The following GRN variants were observed in gnomAD, a reference collection of about 807,000 sequenced individuals.
The protein encoded by GRN is progranulin.
In GRN, 30 loss-of-function variants were observed where a neutral mutation model predicts 66.7. That is an observed-to-expected ratio of 0.45 (90% CI 0.34 to 0.61). GRN has a LOEUF of 0.61. GRN is among the 20% of genes least tolerant of loss of function. The probability of loss-of-function intolerance (pLI) is 0.01; values close to 1 mark genes in which losing one functional copy is unlikely to be tolerated. For synonymous variants in GRN, 327 were observed against 311.1 expected, an observed-to-expected ratio of 1.05 and a Z score of -0.54; for missense variants, 731 against 803.5, an observed-to-expected ratio of 0.91 and a Z score of 1.09.
In GRN at chr17:44,352,376, G is replaced by C; in HGVS notation, c.1449G>C (p.Pro483=). Residue 483 remains proline, a synonymous_variant, in exon 12 of 13, where the codon CCG becomes CCC. Transcript: ENST00000053867. ...GCGAGGATCGCCAGCACTGCTGCCC[G>C]GCTGGCTACACCTGCAACGTGAAGG... ...VCCEDRQHCC[P]AGYTCNVKAR... 1 of 1,613,734 alleles carries C rather than the reference G, an allele frequency of 6.2e-7. No homozygotes were observed. The highest frequency in any genetic ancestry group is 1.3e-5 in the African/African-American group (1 of 75,066).
chr17:44,350,755 C>T lies in GRN; in HGVS notation c.663C>T (p.Cys221=), dbSNP rs1410444802. Residue 221 remains cysteine (C), a synonymous_variant, in exon 7 of 13, where the codon TGC becomes TGT. Transcript: ENST00000053867. ...CCCGGTGCCCTGATGGTTCTACCTG[C>T]TGTGAGCTGCCCAGTGGGAAGTATG... ...ARSRCPDGST[C]CELPSGKYGC... The T allele has an allele frequency of 1.9e-6, 3 of 1,613,844 alleles. No individual in the cohort carries two copies. The highest frequency in any genetic ancestry group is 1.3e-5 in the African/African-American group (1 of 74,924).
At chr17:44,350,611 G>C (rs763245100) in intron 6 of GRN, 34 bp downstream of exon 6, 3 of 1,612,706 alleles carry the variant, frequency 1.9e-6, no homozygotes, top group Admixed American at 3.3e-5. Context: ...GCCAGGGGCT[G>C]GGGCGGGGCC....
At chr17:44,351,517 C>T (rs1196669473) in intron 9 of GRN, 33 bp from the exon 10 acceptor site, 1 of 1,613,710 alleles carries the variant, frequency 6.2e-7, no homozygotes, top group Admixed American at 1.7e-5. Context: ...AGCCGGGCCC[C>T]AGTGCCCACC....
Position 44,350,354 on chromosome 17 carries a change from G to A in GRN, c.462+14G>A, listed in dbSNP as rs776555595. 1 of 1,612,566 alleles carries A rather than the reference G, an allele frequency of 6.2e-7. No homozygotes were observed. The highest frequency in any genetic ancestry group is 1.1e-5 in the South Asian group (1 of 91,038). ...CCCATGCCCCAGGTACAAATCTGGGGGAGATGGGGGTATGTGGAGGGAAGT... is the reference window on the plus strand; with the variant it reads ...CCCATGCCCCAGGTACAAATCTGGGAGAGATGGGGGTATGTGGAGGGAAGT... On this transcript the variant is annotated intron_variant, in intron 5 of 12. Coordinates refer to ENST00000053867, the MANE Select transcript of GRN (RefSeq NM_002087.4).
At chr17:44,348,301 A>T (rs569573117) in intron 1 of GRN, among the ~76,000 whole-genome samples, 25 of 152,112 alleles carry the variant, frequency 1.6e-4, no homozygotes, top group African/African-American at 5.8e-4. Context: ...CTCCACAGAG[A>T]CTCAAGGCTC....
In GRN at chr17:44,351,111, C is replaced by G. The variant is rs1476070140; in HGVS notation, c.783C>G (p.Leu261=). ...GTGACCTGATCCAGAGTAAGTGCCTCTCCAAGGAGAACGCTACCACGGACC... is the reference window on the plus strand; with the variant it reads ...GTGACCTGATCCAGAGTAAGTGCCTGTCCAAGGAGAACGCTACCACGGACC... ...TVCDLIQSKC[L]SKENATTDLL... is the part of the protein sequence containing the mutation. The change falls in exon 8 of 13, where the codon CTC becomes CTG. Residue 261 remains leucine (L), a synonymous_variant. Transcript: ENST00000053867. 6.2e-7 allele frequency: 1 copy of G among 1,613,994 alleles called. No homozygotes were observed. The highest frequency in any genetic ancestry group is 1.3e-5 in the African/African-American group (1 of 74,926).
chr17:44,346,985 C>T (rs1417673730), intron 1 of GRN, among the ~76,000 whole-genome samples: 4 of 151,878 alleles, frequency 2.6e-5, no homozygotes, highest in Non-Finnish European at 5.9e-5. Flanking sequence ...GGTGTGGTAG[C>T]GCACACCTAT....
In GRN at chr17:44,350,573, G is replaced by A. The variant is rs1349221870; in HGVS notation, c.594G>A (p.Arg198=). ...AKKLPAQRTN[R]AVALSSSVMC... ...AGCTCCCTGCCCAGAGGACTAACAG[G>A]GCAGGTGAGGAGGTGGGAGAGCATC... Residue 198 remains arginine, a synonymous_variant, in exon 6 of 13, where the codon AGG becomes AGA. Coordinates refer to ENST00000053867, the MANE Select transcript of GRN (RefSeq NM_002087.4). 1.2e-6 allele frequency: 2 copies of A among 1,613,694 alleles called. No homozygotes were observed. The highest frequency in any genetic ancestry group is 1.3e-5 in the African/African-American group (1 of 74,904).
At chr17:44,346,259 A>C (rs1408800410) in intron 1 of GRN, 1 of 152,562 alleles carries the variant, frequency 6.6e-6, no homozygotes, top group Non-Finnish European at 1.5e-5. Context: ...GGGGCTGAGG[A>C]GAGGGTCCAC....
At position 44,352,675 on chromosome 17, in the gene GRN, T is replaced by C; in HGVS notation, c.1659T>C (p.Ala553=). 4.3e-6 allele frequency: 7 copies of C among 1,610,126 alleles called. No homozygotes were observed. The highest frequency in any genetic ancestry group is 5.9e-6 in the Non-Finnish European group (7 of 1,179,996). ...TGACCATCCAGGGCGTCTGTTGTGC[T>C]GATCGGCGCCACTGCTGTCCTGCTG... ...CCPYRQGVCC[A]DRRHCCPAGF... Residue 553 remains alanine (A), a synonymous_variant, in exon 13 of 13, where the codon GCT becomes GCC. Coordinates refer to ENST00000053867, the MANE Select transcript of GRN (RefSeq NM_002087.4).
chr17:44,351,887 C>A, intron 10 of GRN, 92 bp downstream of exon 10: 1 of 1,500,884 alleles, frequency 6.7e-7, no homozygotes, highest in South Asian at 1.1e-5. Flanking sequence ...AGGTGATACC[C>A]AGCTCTGACA....
chr17:44,352,704 T>C lies in GRN; in HGVS notation c.1688T>C (p.Phe563Ser), dbSNP rs754394468. Residue 563 changes from phenylalanine (F) to serine (S), a missense_variant, in exon 13 of 13, where the codon TTC becomes TCC. By Grantham distance (155) the Phe-to-Ser change is radical. Coordinates refer to ENST00000053867, the MANE Select transcript of GRN (RefSeq NM_002087.4). ...CGGCGCCACTGCTGTCCTGCTGGCT[T>C]CCGCTGCGCAGCCAGGGGTACCAAG... ...ADRRHCCPAG[F>S]RCAARGTKCL... 1 of 1,610,778 alleles carries C rather than the reference T, an allele frequency of 6.2e-7. No homozygotes were observed. Among genetic ancestry groups the C allele is most frequent in the South Asian group, 1.1e-5 (1 of 91,084 alleles).
chr17:44,350,778 A>T lies in GRN; in HGVS notation c.686A>T (p.Tyr229Phe). The change falls in exon 7 of 13, where the codon TAT (tyrosine) becomes TTT (phenylalanine). Residue 229 changes from tyrosine (Y) to phenylalanine (F), a missense_variant. Physicochemically the swap from Tyr to Phe is conservative, Grantham distance 22. Transcript: ENST00000053867. The part of the protein sequence containing the change: ...STCCELPSGK[Y>F]GCCPMPNATC... ...TGCTGTGAGCTGCCCAGTGGGAAGT[A>T]TGGCTGCTGCCCAATGCCCAACGTG... 6.2e-7 allele frequency: 1 copy of T among 1,613,050 alleles called. No homozygotes were observed. Among genetic ancestry groups the T allele is most frequent in the Non-Finnish European group, 8.5e-7 (1 of 1,179,070 alleles).
Position 44,350,693 on chromosome 17 carries a change from G to A in GRN, c.601G>A (p.Ala201Thr). The A allele has an allele frequency of 6.2e-7, 1 of 1,613,784 alleles. No homozygotes were observed. Among genetic ancestry groups the A allele is most frequent in the Non-Finnish European group, 8.5e-7 (1 of 1,179,720 alleles). The change falls in exon 7 of 13, where the codon GCC becomes ACC. Residue 201 changes from alanine to threonine, a missense_variant and splice_region_variant. Ala to Thr is a moderately conservative substitution (Grantham distance 58). Coordinates refer to ENST00000053867, the MANE Select transcript of GRN (RefSeq NM_002087.4). Reference sequence around the variant, plus strand: ...CCTCACGTTTGCTCCTCTTCCAGTGGCCTTGTCCAGCTCGGTCATGTGTCC... The same window carrying A: ...CCTCACGTTTGCTCCTCTTCCAGTGACCTTGTCCAGCTCGGTCATGTGTCC... ...LPAQRTNRAV[A>T]LSSSVMCPDA...
intron 5 of GRN, 29 bp downstream of exon 5, chr17:44,350,369 T>C: frequency 7.3e-7 from 1 of 1,376,704 alleles, no homozygotes; most frequent in Non-Finnish European, 9.7e-7. Context: ...TGGGGGTATG[T>C]GGAGGGAAGT....
intron 1 of GRN, among the ~76,000 whole-genome samples, chr17:44,346,787 A>T (rs903132532): frequency 1.3e-5 from 2 of 152,196 alleles, no homozygotes; most frequent in African/African-American, 4.8e-5. Context: ...ACATACTTTA[A>T]ATCATTTCTA....
rs983331801 is a variant in GRN, at chr17:44,351,203, T to C, written c.835+40T>C. 8.1e-6 allele frequency: 13 copies of C among 1,612,152 alleles called. 1 individual carries two copies. The Admixed American group carries it at 1.8e-4, about 23-fold the overall frequency. ...GTGCAGATACAGGGGTGGGGCCCCC[T>C]TTCCTCCCTTTTAGGCCTGGCCTTA... On this transcript the variant is annotated intron_variant, in intron 8 of 12. Transcript: ENST00000053867.
At chr17:44,346,757 A>C (rs552337318) in intron 1 of GRN, among the ~76,000 whole-genome samples, 16 of 152,334 alleles carry the variant, frequency 1.1e-4, no homozygotes, top group African/African-American at 3.6e-4. Flanking sequence ...AAAATGGTGT[A>C]ATATTTGCAT....
intron 4 of GRN, 26 bp downstream of exon 4, chr17:44,349,777 C>T (rs1484117126): frequency 1.3e-6 from 2 of 1,489,366 alleles, no homozygotes; most frequent in South Asian, 1.1e-5. Context: ...GGGTGCAGGG[C>T]AGGCAGACGG....
Sources: allele counts gnomAD v4.1 joint callset (sites outside exome capture counted in the v4.1 genomes callset), GRCh38; gene constraint gnomAD v4.1.1; transcripts MANE v1.5; gene names NCBI Gene and HGNC (gene_info 2026-07-23, HGNC 2026-07-21).